The following CEP128 variants were observed in gnomAD, a reference collection of about 807,000 sequenced individuals.
CEP128 encodes centrosomal protein 128.
A neutral mutation model predicts 156.7 loss-of-function variants in CEP128; 132 were observed. The ratio of observed to expected loss-of-function variants is 0.84; its 90% CI spans 0.73 to 0.97. CEP128 has a LOEUF of 0.97. Among genes scored for constraint, CEP128 ranks in the 50% least tolerant of loss-of-function variants. CEP128 has a pLI of 0.00. For missense variants in CEP128, 1,252 were observed against 1,281.9 expected (o/e 0.98, Z 0.36); for synonymous variants, 469 against 448.9 (o/e 1.04, Z -0.57).
chr14:80,579,522 T>C (rs1891500077), intron 20 of CEP128, among the ~76,000 whole-genome samples: 1 of 152,206 alleles, frequency 6.6e-6, no homozygotes, highest in African/African-American at 2.4e-5. Flanking sequence ...AGAACACTTC[T>C]CTTGCTCTTT....
At chr14:80,753,405 G>GA (rs2139649180) in intron 18 of CEP128, among the ~76,000 whole-genome samples, 1 of 152,272 alleles carries the variant, frequency 6.6e-6, no homozygotes, top group South Asian at 2.1e-4. Flanking sequence ...CTGGATATAG[G>GA]AATTAAATGT....
chr14:80,627,643 T>A (rs996862402), intron 19 of CEP128, among the ~76,000 whole-genome samples: 15 of 152,140 alleles, frequency 9.9e-5, no homozygotes, highest in African/African-American at 3.6e-4. Flanking sequence ...ATTTAGAAAT[T>A]ATTCACAGGC....
intron 13 of CEP128, among the ~76,000 whole-genome samples, chr14:80,829,168 A>G (rs1339512072): frequency 6.6e-6 from 1 of 152,210 alleles, no homozygotes; most frequent in Non-Finnish European, 1.5e-5. Flanking sequence ...TTTATGAAAA[A>G]TAAAGGAAAA....
chr14:80,814,258 T>G (rs1307972450), intron 13 of CEP128, among the ~76,000 whole-genome samples: 1 of 152,218 alleles, frequency 6.6e-6, no homozygotes, highest in African/African-American at 2.4e-5. Flanking sequence ...CTCTCTGTCT[T>G]TAGGACTCCA....
At chr14:80,580,821 A>G (rs1891559624) in intron 19 of CEP128, among the ~76,000 whole-genome samples, 1 of 152,154 alleles carries the variant, frequency 6.6e-6, no homozygotes, top group African/African-American at 2.4e-5. Context: ...TTAAAAACAA[A>G]CCATTTGCCC....
intron 20 of CEP128, among the ~76,000 whole-genome samples, chr14:80,579,911 T>A (rs962917353): frequency 6.6e-6 from 1 of 152,198 alleles, no homozygotes; most frequent in Non-Finnish European, 1.5e-5. Context: ...CCAACAAATG[T>A]GAATAAACCT....
chr14:80,807,163 C>T (rs962197977), intron 13 of CEP128, among the ~76,000 whole-genome samples: 1 of 151,978 alleles, frequency 6.6e-6, no homozygotes, highest in Non-Finnish European at 1.5e-5. Flanking sequence ...AATGCATCAA[C>T]ACCTTCCCCA....
intron 19 of CEP128, among the ~76,000 whole-genome samples, chr14:80,667,785 G>A (rs894703609): frequency 4.7e-5 from 7 of 150,196 alleles, no homozygotes; most frequent in Non-Finnish European, 7.4e-5. Flanking sequence ...ATGAACCCGG[G>A]AGGCAGAGCT....
At chr14:80,628,334 A>G (rs557256669) in intron 19 of CEP128, among the ~76,000 whole-genome samples, 57 of 152,304 alleles carry the variant, frequency 3.7e-4, no homozygotes, top group Non-Finnish European at 6.5e-4. Flanking sequence ...ACTACTGTAC[A>G]TTTTATTAGC....
chr14:80,480,541 T>C (rs575135673), intron 14 of CEP128, among the ~76,000 whole-genome samples: 148 of 152,158 alleles, frequency 9.7e-4, no homozygotes, highest in African/African-American at 3.4e-3. Context: ...GGAAACCATA[T>C]TTTCCTCCTG....
At chr14:80,912,428 A>T (rs1294911228) in intron 4 of CEP128, among the ~76,000 whole-genome samples, 1 of 152,162 alleles carries the variant, frequency 6.6e-6, no homozygotes, top group Non-Finnish European at 1.5e-5. Context: ...CTAAGTAGGG[A>T]TCTAATATTC....
intron 19 of CEP128, among the ~76,000 whole-genome samples, chr14:80,611,278 A>T (rs1289674363): frequency 1.3e-5 from 2 of 151,802 alleles, no homozygotes; most frequent in Non-Finnish European, 2.9e-5. Context: ...CATTGCCATG[A>T]ATTATTAAAG....
intron 4 of CEP128, among the ~76,000 whole-genome samples, chr14:80,912,786 C>T (rs912643706): frequency 5.8e-4 from 75 of 130,386 alleles, no homozygotes; most frequent in African/African-American, 3.1e-3. Context: ...ATAATAATAA[C>T]AAGCCGTCAA....
chr14:80,860,089 T>C (rs1206731713), intron 9 of CEP128, among the ~76,000 whole-genome samples: 2 of 152,164 alleles, frequency 1.3e-5, no homozygotes, highest in African/African-American at 4.8e-5. Flanking sequence ...TATTATCATA[T>C]GGTATAGGAA....
chr14:80,799,858 C>T lies in CEP128; in HGVS notation c.1210-6748G>A, dbSNP rs561015492. Among the ~76,000 whole-genome samples, 10 of 152,196 alleles carry T rather than the reference C, an allele frequency of 6.6e-5. No individual in the cohort carries two copies. The South Asian group carries it at 8.3e-4, about 13-fold the overall frequency. ...ATGTTTATCAAGACAATAAGTGCACCGCTGAACATAGACCCTTATCAGTAG... is the reference window on the plus strand; with the variant it reads ...ATGTTTATCAAGACAATAAGTGCACTGCTGAACATAGACCCTTATCAGTAG... On this transcript the variant is annotated intron_variant, in intron 13 of 24. Transcript: ENST00000555265.
intron 23 of CEP128, among the ~76,000 whole-genome samples, chr14:80,509,286 T>C (rs947808782): frequency 3.3e-5 from 5 of 152,196 alleles, no homozygotes; most frequent in Admixed American, 6.5e-5. Flanking sequence ...GGTTCCCCTT[T>C]CTCCACATCC....
chr14:80,927,954 T>A (rs1885242801), intron 2 of CEP128, among the ~76,000 whole-genome samples: 1 of 152,132 alleles, frequency 6.6e-6, no homozygotes, highest in Non-Finnish European at 1.5e-5. Flanking sequence ...ACCCAGCACA[T>A]CGCTACTACA....
chr14:80,503,601 G>A (rs1033994838), intron 24 of CEP128, among the ~76,000 whole-genome samples: 1 of 152,056 alleles, frequency 6.6e-6, no homozygotes, highest in African/African-American at 2.4e-5. Context: ...TGACTAATTG[G>A]GACACTGTGA....
intron 19 of CEP128, among the ~76,000 whole-genome samples, chr14:80,603,697 G>T: frequency 6.6e-6 from 1 of 152,154 alleles, no homozygotes; most frequent in Non-Finnish European, 1.5e-5. Context: ...CATCATGCCT[G>T]TAAAAAGATA....
Sources: allele counts gnomAD v4.1 joint callset (sites outside exome capture counted in the v4.1 genomes callset), GRCh38; gene constraint gnomAD v4.1.1; transcripts MANE v1.5; gene names NCBI Gene and HGNC (gene_info 2026-07-23, HGNC 2026-07-21).